The following SLC9A2 variants were observed in gnomAD, a reference collection of about 807,000 sequenced individuals.
The protein encoded by SLC9A2 is sodium/hydrogen exchanger 2.
A neutral mutation model predicts 71.7 loss-of-function variants in SLC9A2; 42 were observed. The observed-to-expected ratio is 0.59, with a 90% confidence interval of 0.46 to 0.76. The LOEUF is 0.76. SLC9A2 is among the 30% of genes least tolerant of loss of function. SLC9A2 has a pLI of 0.00. For synonymous variants in SLC9A2, 396 were observed against 392.5 expected (o/e 1.01, Z -0.10); for missense variants, 829 against 1,017.4 (o/e 0.81, Z 2.52).
chr2:102,634,711 A>T (rs978381041), intron 1 of SLC9A2, among the ~76,000 whole-genome samples: 4 of 151,898 alleles, frequency 2.6e-5, no homozygotes, highest in Non-Finnish European at 5.9e-5. Flanking sequence ...TAAAAAAATC[A>T]TTTTTTTTCT....
At chr2:102,652,654 G>A (rs1028757461) in intron 1 of SLC9A2, among the ~76,000 whole-genome samples, 7 of 152,130 alleles carry the variant, frequency 4.6e-5, no homozygotes, top group African/African-American at 1.7e-4. Flanking sequence ...GTGCCAACAA[G>A]CTGAAAATAT....
chr2:102,709,586 T>C lies in SLC9A2; in HGVS notation c.*1097T>C, dbSNP rs1248610377. On this transcript the variant is annotated 3_prime_UTR_variant, in exon 12 of 12. Transcript: ENST00000233969. ...TTTTGAATATTATTCAGGAAGCACT[T>C]TGGAGAATGTGGGAGTCCTACTGTT... is the stretch of plus-strand genomic sequence containing the variant. 1 of 152,778 alleles carries C rather than the reference T, an allele frequency of 6.5e-6. No homozygotes were observed. Among genetic ancestry groups the C allele is most frequent in the African/African-American group, 2.4e-5 (1 of 41,468 alleles). 9.5% of individuals were successfully genotyped at this position (152,778 alleles called of 1,614,324 possible).
chr2:102,646,779 A>ATATATATATATATATATATATATATATC (rs1190121329), intron 1 of SLC9A2, among the ~76,000 whole-genome samples: 3 of 147,870 alleles, frequency 2.0e-5, no homozygotes, highest in African/African-American at 7.6e-5. Context: ...ATATATATAT[A>ATATATATATATATATATATATATATATC]TATATATATA....
intron 3 of SLC9A2, among the ~76,000 whole-genome samples, chr2:102,678,557 C>T (rs566697845): frequency 1.1e-4 from 16 of 152,234 alleles, no homozygotes; most frequent in African/African-American, 3.4e-4. Flanking sequence ...AGAATGAGGA[C>T]GTGAGGCTGT....
intron 3 of SLC9A2, among the ~76,000 whole-genome samples, chr2:102,682,710 A>T (rs1677477370): frequency 6.6e-6 from 1 of 152,222 alleles, no homozygotes; most frequent in East Asian, 1.9e-4. Context: ...GATAAAAAGA[A>T]GTGAGTGGGT....
chr2:102,704,296 T>C (rs1216774479), intron 9 of SLC9A2, among the ~76,000 whole-genome samples: 3 of 151,632 alleles, frequency 2.0e-5, no homozygotes, highest in Non-Finnish European at 4.4e-5. Flanking sequence ...GAGTGACAGA[T>C]CAAGACCCCA....
At chr2:102,692,728 G>C (rs958883489) in intron 5 of SLC9A2, among the ~76,000 whole-genome samples, 2 of 152,092 alleles carry the variant, frequency 1.3e-5, no homozygotes, top group Admixed American at 6.5e-5. Flanking sequence ...AGCCTCTCAA[G>C]TTATGTTAAA....
At chr2:102,680,838 G>A (rs1366031719) in intron 3 of SLC9A2, among the ~76,000 whole-genome samples, 18 of 151,670 alleles carry the variant, frequency 1.2e-4, no homozygotes, top group South Asian at 2.1e-4. Flanking sequence ...ATGAGAGGGC[G>A]TAGGAGAGTC....
At chr2:102,678,341 CAGAG>C (rs750233161) in intron 3 of SLC9A2, among the ~76,000 whole-genome samples, 84 of 132,680 alleles carry the variant, frequency 6.3e-4, no homozygotes, top group African/African-American at 1.9e-3. Context: ...AAAAAAAAAA[CAGAG>C]AGAGAGAGAC....
At chr2:102,707,143 A>G (rs909844312) in intron 11 of SLC9A2, among the ~76,000 whole-genome samples, 4 of 152,182 alleles carry the variant, frequency 2.6e-5, no homozygotes, top group Admixed American at 6.5e-5. Flanking sequence ...AAAATTACCC[A>G]TTGGTACTAT....
intron 1 of SLC9A2, among the ~76,000 whole-genome samples, chr2:102,626,197 C>T (rs955583530): frequency 6.6e-6 from 1 of 152,186 alleles, no homozygotes; most frequent in Non-Finnish European, 1.5e-5. Context: ...GTAACCAAAA[C>T]AGCATGGTAC....
chr2:102,667,564 T>C (rs1322803399), intron 3 of SLC9A2, among the ~76,000 whole-genome samples: 1 of 152,178 alleles, frequency 6.6e-6, no homozygotes, highest in Non-Finnish European at 1.5e-5. Context: ...GGAAGGCCTA[T>C]GCTGTATCAA....
chr2:102,662,763 T>TA (rs1459807053), intron 2 of SLC9A2, among the ~76,000 whole-genome samples: 2 of 143,946 alleles, frequency 1.4e-5, no homozygotes, highest in African/African-American at 2.6e-5. Flanking sequence ...AGAAAGCAGT[T>TA]TAAAAAAAAA....
At chr2:102,629,545 G>T (rs1676318516) in intron 1 of SLC9A2, among the ~76,000 whole-genome samples, 1 of 152,056 alleles carries the variant, frequency 6.6e-6, no homozygotes, top group African/African-American at 2.4e-5. Context: ...CTTAAAAAGA[G>T]AAATGTAATT....
chr2:102,694,227 A>G (rs1677710776), intron 5 of SLC9A2, among the ~76,000 whole-genome samples, 187 bp from the exon 6 acceptor site: 1 of 152,196 alleles, frequency 6.6e-6, no homozygotes, highest in Admixed American at 6.5e-5. Flanking sequence ...ATTAACAAAA[A>G]GTTACATTTA....
intron 7 of SLC9A2, among the ~76,000 whole-genome samples, chr2:102,698,747 T>C (rs1040285708): frequency 4.6e-5 from 7 of 152,230 alleles, no homozygotes; most frequent in African/African-American, 1.7e-4. Context: ...TAAGCCTCCA[T>C]GTGCAAGCCC....
intron 1 of SLC9A2, among the ~76,000 whole-genome samples, chr2:102,634,916 C>T (rs150676508): frequency 4.6e-4 from 70 of 152,248 alleles, no homozygotes; most frequent in Middle Eastern, 3.4e-3. Context: ...GACCCTCCTC[C>T]GGACACTTCC....
intron 1 of SLC9A2, among the ~76,000 whole-genome samples, chr2:102,637,140 A>C (rs1184436753): frequency 6.6e-6 from 1 of 152,200 alleles, no homozygotes; most frequent in East Asian, 1.9e-4. Flanking sequence ...CTGCAGTCCT[A>C]ACAGACTGAG....
intron 3 of SLC9A2, among the ~76,000 whole-genome samples, chr2:102,665,805 T>G (rs1261184575): frequency 9.5e-6 from 1 of 104,826 alleles, no homozygotes; most frequent in Admixed American, 1.1e-4. Context: ...AAAAAAAGAT[T>G]TTTCTTATGT....
Sources: allele counts gnomAD v4.1 joint callset (sites outside exome capture counted in the v4.1 genomes callset), GRCh38; gene constraint gnomAD v4.1.1; transcripts MANE v1.5; gene names NCBI Gene and HGNC (gene_info 2026-07-23, HGNC 2026-07-21).